Variants in DCC observed in about 807,000 individuals in gnomAD.
DCC encodes netrin receptor DCC.
Under a neutral mutation model 172.5 loss-of-function variants are expected in DCC, and 58 were observed. The observed-to-expected ratio is 0.34, with a 90% CI of 0.27 to 0.42. The LOEUF (loss-of-function observed/expected upper bound fraction) is 0.42. Ranked by LOEUF, DCC falls within the 10% of genes least tolerant of loss-of-function variation. The pLI, the probability that DCC is intolerant of heterozygous loss-of-function variation, is 1.00. For missense variants in DCC, 1,740 were observed against 1,791.0 expected (o/e 0.97, Z 0.51); for synonymous variants, 709 against 644.5 (o/e 1.10, Z -1.52).
At chr18:53,154,187 C>T (rs1020399920) in intron 7 of DCC, among the ~76,000 whole-genome samples, 3 of 152,128 alleles carry the variant, frequency 2.0e-5, no homozygotes, top group Admixed American at 6.5e-5. Flanking sequence ...TGAGGCATGT[C>T]CTGTACTGAC....
intron 1 of DCC, among the ~76,000 whole-genome samples, chr18:52,555,312 C>G (rs891854389): frequency 1.3e-5 from 2 of 152,076 alleles, no homozygotes; most frequent in African/African-American, 4.8e-5. Context: ...ACAGTAAAAA[C>G]TTTTCTAGGG....
chr18:52,495,857 G>A lies in DCC; in HGVS notation c.91+154979G>A, dbSNP rs1160807412. On this transcript the variant is annotated intron_variant, in intron 1 of 28. Coordinates refer to ENST00000442544, the MANE Select transcript of DCC (RefSeq NM_005215.4). The stretch of plus-strand genomic sequence containing the variant: ...TAAGAATGGTGGCTTTGACATCAGG[G>A]AATTCTAACCCTGGCTGTCCGATGC... 2.6e-5 allele frequency among the ~76,000 whole-genome samples: 4 copies of A among 151,616 alleles called. No homozygotes were observed. The South Asian group carries it at 8.3e-4, about 32-fold the overall frequency.
intron 2 of DCC, among the ~76,000 whole-genome samples, chr18:52,797,905 G>A (rs1037020241): frequency 6.6e-6 from 1 of 152,218 alleles, no homozygotes; most frequent in Non-Finnish European, 1.5e-5. Flanking sequence ...ACACATGTGG[G>A]CAATAGCAGT....
chr18:53,062,606 G>A (rs939297175), intron 5 of DCC, among the ~76,000 whole-genome samples: 11 of 152,088 alleles, frequency 7.2e-5, no homozygotes, highest in African/African-American at 2.4e-4. Context: ...CATTAGCAAA[G>A]ATGTGTTATA....
At chr18:53,329,544 A>G (rs927785745) in intron 14 of DCC, among the ~76,000 whole-genome samples, 5 of 152,070 alleles carry the variant, frequency 3.3e-5, no homozygotes, top group Non-Finnish European at 1.5e-5. Context: ...TAAATTTAAC[A>G]AGATGTAAAC....
At chr18:53,518,639 G>T (rs2046365878) in intron 27 of DCC, among the ~76,000 whole-genome samples, 1 of 152,012 alleles carries the variant, frequency 6.6e-6, no homozygotes, top group Non-Finnish European at 1.5e-5. Context: ...CCTCTTAGTG[G>T]GTCCTGCTGA....
intron 7 of DCC, among the ~76,000 whole-genome samples, chr18:53,116,992 C>T (rs1195565284): frequency 6.6e-6 from 1 of 151,578 alleles, no homozygotes; most frequent in African/African-American, 2.4e-5. Context: ...TTCAAATAAC[C>T]AAATTCACAT....
intron 2 of DCC, among the ~76,000 whole-genome samples, chr18:52,827,166 C>T (rs12965074): frequency 0.012 from 1,828 of 152,290 alleles, 18 homozygotes; most frequent in Admixed American, 0.018. Context: ...TACTCAGTCT[C>T]AGGCTGAGAA....
At chr18:53,125,920 G>A (rs1048556912) in intron 7 of DCC, among the ~76,000 whole-genome samples, 4 of 152,128 alleles carry the variant, frequency 2.6e-5, no homozygotes, top group Admixed American at 2.0e-4. Context: ...TGCCTGCAGG[G>A]AGCATGTGCT....
intron 5 of DCC, among the ~76,000 whole-genome samples, chr18:52,943,419 CAGAAGT>C (rs1435662820): frequency 1.3e-5 from 2 of 152,094 alleles, no homozygotes; most frequent in African/African-American, 4.8e-5. Flanking sequence ...TGTTCAGTGA[CAGAAGT>C]AGAAGGTGAC....
chr18:52,773,746 C>A (rs2037381330), intron 2 of DCC, among the ~76,000 whole-genome samples: 1 of 152,158 alleles, frequency 6.6e-6, no homozygotes, highest in East Asian at 1.9e-4. Flanking sequence ...CCAGGCTGGT[C>A]TCAAACCCCT....
intron 1 of DCC, among the ~76,000 whole-genome samples, chr18:52,715,552 G>T (rs1390080876): frequency 6.6e-6 from 1 of 152,050 alleles, no homozygotes; most frequent in Non-Finnish European, 1.5e-5. Context: ...TCATCTGCCT[G>T]CCTCAGCCTC....
chr18:52,811,119 C>T (rs1357591317), intron 2 of DCC, among the ~76,000 whole-genome samples: 2 of 152,032 alleles, frequency 1.3e-5, no homozygotes, highest in Non-Finnish European at 2.9e-5. Context: ...GATATGTTTG[C>T]TTAAAAAAAC....
intron 1 of DCC, among the ~76,000 whole-genome samples, chr18:52,744,327 T>G (rs1599067447): frequency 6.6e-6 from 1 of 152,192 alleles, no homozygotes; most frequent in Non-Finnish European, 1.5e-5. Context: ...AAATTTTCAC[T>G]TAAATTTTCA....
intron 7 of DCC, among the ~76,000 whole-genome samples, chr18:53,094,434 A>G (rs1231739293): frequency 1.3e-5 from 2 of 152,326 alleles, no homozygotes; most frequent in East Asian, 3.9e-4. Flanking sequence ...CTTTTAGCCC[A>G]ATTCTTACTA....
At chr18:52,467,044 TA>T (rs34627953) in intron 1 of DCC, among the ~76,000 whole-genome samples, 43,655 of 145,400 alleles carry the variant, frequency 0.3, 6,637 homozygotes, top group Admixed American at 0.36. Flanking sequence ...GTGGTTTTTT[TA>T]AAAAAAAAAT....
intron 2 of DCC, among the ~76,000 whole-genome samples, chr18:52,879,582 C>T (rs1454489444): frequency 1.3e-5 from 2 of 151,770 alleles, no homozygotes; most frequent in African/African-American, 4.8e-5. Flanking sequence ...CAAGCATGTG[C>T]CATTATGCCC....
intron 2 of DCC, among the ~76,000 whole-genome samples, chr18:52,789,014 A>G (rs767460292): frequency 6.6e-5 from 10 of 151,970 alleles, no homozygotes; most frequent in African/African-American, 1.9e-4. Flanking sequence ...GGTGACCAAG[A>G]GTATGCTTCT....
chr18:52,632,287 ATGTC>A (rs2034691872), intron 1 of DCC, among the ~76,000 whole-genome samples: 14 of 152,170 alleles, frequency 9.2e-5, no homozygotes, highest in Middle Eastern at 3.2e-3. Context: ...AATAGGGACT[ATGTC>A]AATTTTTGCT....
Sources: allele counts gnomAD v4.1 joint callset (sites outside exome capture counted in the v4.1 genomes callset), GRCh38; gene constraint gnomAD v4.1.1; transcripts MANE v1.5; gene names NCBI Gene and HGNC (gene_info 2026-07-23, HGNC 2026-07-21).